The following ABCA13 variants were observed in gnomAD, a reference collection of about 807,000 sequenced individuals.
ABCA13 encodes the protein ATP-binding cassette sub-family A member 13.
ABCA13 carries 476 observed loss-of-function variants against 478.7 expected under a neutral mutation model. The ratio of observed to expected loss-of-function variants is 0.99; its 90% CI spans 0.92 to 1.07. ABCA13 has a LOEUF of 1.07. Ranked by LOEUF, ABCA13 falls within the 50% of genes least tolerant of loss-of-function variation. The pLI is 0.00. For missense variants in ABCA13, 6,060 were observed against 5,910.6 expected, an observed-to-expected ratio of 1.03 and a Z score of -0.83; for synonymous variants, 2,252 against 2,158.9, an observed-to-expected ratio of 1.04 and a Z score of -1.20.
chr7:48,419,542 A>AT (rs1820458267), intron 41 of ABCA13, among the ~76,000 whole-genome samples: 1 of 147,636 alleles, frequency 6.8e-6, no homozygotes, highest in African/African-American at 2.4e-5. Context: ...TAATTCTTCC[A>AT]CGTAACATGC....
At chr7:48,557,291 G>A (rs766196809) in intron 55 of ABCA13, among the ~76,000 whole-genome samples, 60 of 147,566 alleles carry the variant, frequency 4.1e-4, no homozygotes, top group Non-Finnish European at 7.9e-4. Context: ...TTACCAGTGA[G>A]CTTTACACTT....
At chr7:48,613,369 T>C (rs1344825358) in intron 58 of ABCA13, among the ~76,000 whole-genome samples, 1 of 152,050 alleles carries the variant, frequency 6.6e-6, no homozygotes, top group Non-Finnish European at 1.5e-5. Flanking sequence ...TTTGTACTTT[T>C]AGAAGAGACA....
In ABCA13 at chr7:48,198,379, T is replaced by A; in HGVS notation, c.287+19T>A. 1 of 1,612,274 alleles carries A rather than the reference T, an allele frequency of 6.2e-7. No homozygotes were observed. The highest frequency in any genetic ancestry group is 8.5e-7 in the Non-Finnish European group (1 of 1,179,286). On this transcript the variant is annotated intron_variant, in intron 3 of 61. Coordinates refer to ENST00000435803, the MANE Select transcript of ABCA13 (RefSeq NM_152701.5). ...ATTTTCGGTAAGAGAAACACAAAGATCTTTTTCAGAAATCTCAGAAAGCTG... is the reference window on the plus strand; with the variant it reads ...ATTTTCGGTAAGAGAAACACAAAGAACTTTTTCAGAAATCTCAGAAAGCTG...
At chr7:48,583,986 T>C (rs931030889) in intron 56 of ABCA13, among the ~76,000 whole-genome samples, 9 of 152,218 alleles carry the variant, frequency 5.9e-5, no homozygotes, top group African/African-American at 2.2e-4. Context: ...TTTTGTGAAA[T>C]TGGGAAAACA....
intron 41 of ABCA13, among the ~76,000 whole-genome samples, chr7:48,424,922 T>G (rs1821203678): frequency 6.6e-6 from 1 of 152,240 alleles, no homozygotes; most frequent in African/African-American, 2.4e-5. Flanking sequence ...TGTCAAAATC[T>G]CAGAGCCTCC....
At chr7:48,490,776 GA>G (rs1829769911) in intron 48 of ABCA13, among the ~76,000 whole-genome samples, 1 of 152,204 alleles carries the variant, frequency 6.6e-6, no homozygotes, top group Non-Finnish European at 1.5e-5. Context: ...CTGACATGAT[GA>G]AGAGTATGGA....
At chr7:48,385,952 G>A (rs144524142) in intron 35 of ABCA13, among the ~76,000 whole-genome samples, 1 of 152,260 alleles carries the variant, frequency 6.6e-6, no homozygotes, top group East Asian at 1.9e-4. Context: ...CCCCATGTAT[G>A]TCTTCTTTTG....
chr7:48,375,909 A>T (rs1169407597), intron 34 of ABCA13, among the ~76,000 whole-genome samples: 1 of 152,176 alleles, frequency 6.6e-6, no homozygotes, highest in Non-Finnish European at 1.5e-5. Flanking sequence ...ATTTTATTGA[A>T]CTGTAGCCTG....
At chr7:48,224,325 A>C (rs1787836508) in intron 5 of ABCA13, among the ~76,000 whole-genome samples, 1 of 152,202 alleles carries the variant, frequency 6.6e-6, no homozygotes, top group South Asian at 2.1e-4. Context: ...CCTGGGACTG[A>C]GAGTCCCTTG....
chr7:48,475,628 G>A (rs1249444456), intron 45 of ABCA13, among the ~76,000 whole-genome samples: 1 of 151,882 alleles, frequency 6.6e-6, no homozygotes, highest in East Asian at 1.9e-4. Flanking sequence ...ACTGTGCCCG[G>A]CTAATTTTTG....
At chr7:48,343,631 G>A (rs942126395) in intron 29 of ABCA13, among the ~76,000 whole-genome samples, 1 of 151,972 alleles carries the variant, frequency 6.6e-6, no homozygotes, top group Admixed American at 6.6e-5. Context: ...GGAGCAGGTG[G>A]TGGTTGGTTA....
chr7:48,583,923 G>C (rs553355739), intron 56 of ABCA13, among the ~76,000 whole-genome samples: 90 of 152,252 alleles, frequency 5.9e-4, no homozygotes, highest in African/African-American at 2.0e-3. Context: ...GTATACTCTG[G>C]AATCTTTCCT....
intron 45 of ABCA13, 81 bp from the exon 46 acceptor site, chr7:48,480,955 C>G: frequency 1.2e-6 from 1 of 842,604 alleles, no homozygotes; most frequent in Non-Finnish European, 2.0e-6. Flanking sequence ...AGAACAATCA[C>G]ATGTAGTTTC....
rs1335314264 is a variant in ABCA13 at position 48,273,143 on chromosome 7, A to C, written c.3477A>C (p.Glu1159Asp). The C allele has an allele frequency of 6.2e-7, 1 of 1,613,730 alleles. No homozygotes were observed. The highest frequency in any genetic ancestry group is 8.5e-7 in the Non-Finnish European group (1 of 1,179,764). ...TTCAAATGTGGACTGAAATCTGGGA[A>C]ACCATATCTCAATTATTTAAGTTTG... ...SWLQMWTEIW[E>D]TISQLFKFDM... Residue 1159 changes from glutamate to aspartate, a missense_variant, in exon 17 of 62, where the codon GAA becomes GAC. Transcript: ENST00000435803.
intron 1 of ABCA13, among the ~76,000 whole-genome samples, chr7:48,187,017 G>GTATATATATATATA (rs767585452): frequency 4.4e-5 from 6 of 135,402 alleles, no homozygotes; most frequent in African/African-American, 1.6e-4. Context: ...ATATGTGTGT[G>GTATATATATATATA]TGTATATATA....
At chr7:48,330,620 T>C (rs950515820) in intron 27 of ABCA13, among the ~76,000 whole-genome samples, 2 of 151,846 alleles carry the variant, frequency 1.3e-5, no homozygotes, top group Admixed American at 1.3e-4. Context: ...CATCCATCCA[T>C]CCATTCATCT....
intron 15 of ABCA13, among the ~76,000 whole-genome samples, chr7:48,268,187 C>T (rs772778933): frequency 2.2e-4 from 33 of 152,188 alleles, no homozygotes; most frequent in Admixed American, 3.3e-4. Flanking sequence ...GAGACAGTCT[C>T]GCTCTGTCAC....
intron 1 of ABCA13, among the ~76,000 whole-genome samples, chr7:48,192,078 A>G (rs970303384): frequency 1.3e-5 from 2 of 152,240 alleles, no homozygotes; most frequent in Non-Finnish European, 2.9e-5. Flanking sequence ...ACATGAATTC[A>G]ATACAAGATT....
At chr7:48,203,899 C>A (rs1294576280) in intron 3 of ABCA13, among the ~76,000 whole-genome samples, 2 of 152,130 alleles carry the variant, frequency 1.3e-5, no homozygotes, top group African/African-American at 4.8e-5. Flanking sequence ...TGAAATGTTT[C>A]CAGCCATTTC....
Sources: gnomAD v4.1 joint callset for allele counts (sites outside exome capture counted in the v4.1 genomes callset) on GRCh38, gnomAD v4.1.1 for gene constraint, MANE v1.5 for transcripts, NCBI Gene and HGNC (gene_info 2026-07-23, HGNC 2026-07-21) for gene names.